Variants in RGPD5 observed in about 807,000 individuals in gnomAD.
RGPD5 encodes RANBP2-like and GRIP domain-containing protein 5/6.
At chr2:109,794,614 G>GGGCGGCGGCGGCGGCGGCGGC (rs1176515402) in intron 1 of RGPD5, 77 bp downstream of exon 1, 1 of 72,260 alleles carries the variant, frequency 1.4e-5, no homozygotes, top group African/African-American at 1.1e-4. Context: ...GCGGCGGGGG[G>GGGCGGCGGCGGCGGCGGCGGC]GGCGGCGGCG....
the RGPD5 span, among the ~76,000 whole-genome samples, chr2:109,763,124 GGTA>G: frequency 2.7e-5 from 4 of 149,980 alleles, 1 homozygote; most frequent in South Asian, 8.7e-4. Flanking sequence ...GTAAGTAAGT[GGTA>G]GTAGTTCCAT....
chr2:109,774,588 G>A, the RGPD5 span, among the ~76,000 whole-genome samples: 2 of 73,424 alleles, frequency 2.7e-5, no homozygotes, highest in Non-Finnish European at 4.6e-5. Flanking sequence ...AGCAGGTACA[G>A]TGAGGTATAT....
chr2:109,772,978 G>A, the RGPD5 span, among the ~76,000 whole-genome samples: 6,965 of 139,602 alleles, frequency 0.05, 2 homozygotes, highest in African/African-American at 0.14. Flanking sequence ...AGCAAGCTGA[G>A]TGGGGAAAGA....
the RGPD5 span, among the ~76,000 whole-genome samples, chr2:109,777,389 G>A: frequency 6.9e-6 from 1 of 144,348 alleles, no homozygotes; most frequent in Admixed American, 7.3e-5. Context: ...TACATTGACT[G>A]ATTTTTATAT....
the RGPD5 span, among the ~76,000 whole-genome samples, chr2:109,764,678 C>G: frequency 2.7e-5 from 4 of 146,628 alleles, 1 homozygote; most frequent in Admixed American, 7.1e-5. Context: ...AATTAAAAAA[C>G]AAAGGCTTCC....
At chr2:109,765,279 C>G in the RGPD5 span, among the ~76,000 whole-genome samples, 1 of 146,348 alleles carries the variant, frequency 6.8e-6, no homozygotes, top group Admixed American at 7.2e-5. Context: ...TGCCACCCAC[C>G]ACCCCTTGAA....
chr2:109,777,232 TTGAG>T, the RGPD5 span, among the ~76,000 whole-genome samples: 1 of 146,964 alleles, frequency 6.8e-6, no homozygotes, highest in Admixed American at 7.0e-5. Flanking sequence ...TCCTAGTTTG[TTGAG>T]TGTTTTTAAG....
At chr2:109,799,224 C>A (rs1168831072) in intron 1 of RGPD5, among the ~76,000 whole-genome samples, 2 of 104,910 alleles carry the variant, frequency 1.9e-5, no homozygotes, top group South Asian at 3.4e-4. Context: ...GGCGACAGAG[C>A]AAGACTCCAT....
At chr2:109,768,672 T>TC in the RGPD5 span, among the ~76,000 whole-genome samples, 1 of 114,694 alleles carries the variant, frequency 8.7e-6, no homozygotes, top group Non-Finnish European at 1.9e-5. Context: ...AATTTGCATT[T>TC]CCTTCTCCCT....
chr2:109,766,719 A>AG, the RGPD5 span, among the ~76,000 whole-genome samples: 34 of 147,384 alleles, frequency 2.3e-4, 3 homozygotes, highest in South Asian at 6.9e-3. Context: ...TAAGAAAAAA[A>AG]ACCTCTCAAT....
At chr2:109,780,031 CT>C in the RGPD5 span, among the ~76,000 whole-genome samples, 720 of 57,370 alleles carry the variant, frequency 0.013, 5 homozygotes, top group Admixed American at 0.021. Context: ...GTCAATTTGA[CT>C]TTTTTTTTTT....
the RGPD5 span, among the ~76,000 whole-genome samples, chr2:109,766,275 A>C: frequency 6.6e-6 from 1 of 151,136 alleles, no homozygotes; most frequent in East Asian, 2.0e-4. Flanking sequence ...ATCAGCCTGG[A>C]GGAGGCAGGG....
At chr2:109,761,511 C>A in the RGPD5 span, among the ~76,000 whole-genome samples, 4 of 148,548 alleles carry the variant, frequency 2.7e-5, no homozygotes, top group South Asian at 2.4e-4. Flanking sequence ...CTCCAGGTTC[C>A]GTTTCTCGGG....
the RGPD5 span, among the ~76,000 whole-genome samples, chr2:109,779,090 CAG>C: frequency 1.5e-5 from 2 of 130,328 alleles, no homozygotes; most frequent in South Asian, 2.7e-4. Context: ...AACATATAAA[CAG>C]AAAGTCAGAA....
the RGPD5 span, among the ~76,000 whole-genome samples, chr2:109,763,128 G>A: frequency 6.7e-6 from 1 of 150,140 alleles, no homozygotes; most frequent in South Asian, 2.2e-4. Flanking sequence ...GTAAGTGGTA[G>A]TAGTTCCATT....
chr2:109,766,186 G>A, the RGPD5 span, among the ~76,000 whole-genome samples: 1 of 151,174 alleles, frequency 6.6e-6, no homozygotes, highest in Non-Finnish European at 1.5e-5. Flanking sequence ...GGCCTCGGCA[G>A]GTACGAGGAG....
chr2:109,771,477 G>A, the RGPD5 span, among the ~76,000 whole-genome samples: 1 of 102,082 alleles, frequency 9.8e-6, no homozygotes, highest in African/African-American at 5.0e-5. Flanking sequence ...TGCAGGAGAG[G>A]ACAGCTCAGC....
At chr2:109,767,368 C>T in the RGPD5 span, among the ~76,000 whole-genome samples, 9 of 147,326 alleles carry the variant, frequency 6.1e-5, no homozygotes, top group Non-Finnish European at 4.5e-5. Flanking sequence ...CTCTTACTTA[C>T]GGTGGTACTA....
chr2:109,761,586 G>A, the RGPD5 span, among the ~76,000 whole-genome samples: 15 of 147,898 alleles, frequency 1.0e-4, 1 homozygote, highest in Admixed American at 9.7e-4. Context: ...CCAGTTGCGG[G>A]TGTCTTAAAA....
Sources: allele counts gnomAD v4.1 joint callset (sites outside exome capture counted in the v4.1 genomes callset), GRCh38; gene constraint gnomAD v4.1.1; transcripts MANE v1.5; gene names NCBI Gene and HGNC (gene_info 2026-07-23, HGNC 2026-07-21).